TRPM3: variants seen among roughly 807,000 people sequenced by gnomAD.
The protein encoded by TRPM3 is long transient receptor potential channel 3.
A neutral mutation model predicts 181.2 loss-of-function variants in TRPM3; 77 were observed. That is an observed-to-expected ratio of 0.42 (90% confidence interval 0.35 to 0.51). The LOEUF is 0.51. TRPM3 is among the 20% of genes least tolerant of loss of function. The pLI, the probability that TRPM3 is intolerant of heterozygous loss-of-function variation, is 0.01. For synonymous variants in TRPM3, 745 were observed against 796.4 expected (o/e 0.94, Z 1.09); for missense variants, 1,759 against 2,196.7 (o/e 0.80, Z 3.98).
intron 1 of TRPM3, among the ~76,000 whole-genome samples, chr9:71,199,764 T>G (rs2078655091): frequency 1.3e-5 from 2 of 151,950 alleles, no homozygotes; most frequent in South Asian, 4.2e-4. Context: ...CTTCTCTCTT[T>G]TCTTCTTTAT....
chr9:71,230,725 A>C (rs1362163667), intron 1 of TRPM3, among the ~76,000 whole-genome samples: 2 of 152,192 alleles, frequency 1.3e-5, no homozygotes, highest in African/African-American at 4.8e-5. Flanking sequence ...TTTTACTTTA[A>C]GTTAGGATCT....
chr9:71,423,997 C>A (rs2093821439), intron 1 of TRPM3, among the ~76,000 whole-genome samples: 2 of 152,116 alleles, frequency 1.3e-5, no homozygotes, highest in African/African-American at 2.4e-5. Flanking sequence ...AGCTTCTAGA[C>A]CTTGACTGCT....
At chr9:70,870,709 G>A (rs145823999) in intron 1 of TRPM3, among the ~76,000 whole-genome samples, 13 of 152,064 alleles carry the variant, frequency 8.5e-5, no homozygotes, top group African/African-American at 1.2e-4. Context: ...GCTTAATTAC[G>A]TAGAGAAATA....
chr9:71,132,725 A>G (rs528914650), intron 1 of TRPM3, among the ~76,000 whole-genome samples: 28 of 152,326 alleles, frequency 1.8e-4, no homozygotes, highest in African/African-American at 6.7e-4. Flanking sequence ...ATTATCCATC[A>G]ATAACTGTTG....
chr9:70,749,025 A>C (rs868867888), intron 8 of TRPM3, among the ~76,000 whole-genome samples: 26 of 148,924 alleles, frequency 1.7e-4, no homozygotes, highest in African/African-American at 5.9e-4. Flanking sequence ...CAACACAACC[A>C]GTTCATTTCT....
intron 9 of TRPM3, among the ~76,000 whole-genome samples, chr9:70,661,003 A>G (rs916892329): frequency 6.6e-6 from 1 of 152,192 alleles, no homozygotes; most frequent in African/African-American, 2.4e-5. Flanking sequence ...ACAGACCGAT[A>G]TTCCTGATGA....
At chr9:71,029,125 T>G (rs2056964693) in intron 1 of TRPM3, among the ~76,000 whole-genome samples, 1 of 152,128 alleles carries the variant, frequency 6.6e-6, no homozygotes, top group Non-Finnish European at 1.5e-5. Flanking sequence ...ATTATGAAAT[T>G]AAGGCAGTAA....
At chr9:71,394,035 G>C (rs1473701160) in intron 1 of TRPM3, among the ~76,000 whole-genome samples, 4 of 152,108 alleles carry the variant, frequency 2.6e-5, no homozygotes, top group African/African-American at 7.2e-5. Context: ...TCTGAGAAGA[G>C]ATCCACTGAT....
In TRPM3 at chr9:71,276,066, C is replaced by T. The variant is rs1379964395; in HGVS notation, c.183+170587G>A. On this transcript the variant is annotated intron_variant, in intron 1 of 24. Coordinates refer to the TRPM3 transcript ENST00000357533. ...CTGTGTTAGCCAGGATGGTCTTGATCTCCTGACCTCGTGATCCACCTGCCT... is the reference window on the plus strand; with the variant it reads ...CTGTGTTAGCCAGGATGGTCTTGATTTCCTGACCTCGTGATCCACCTGCCT... Among the ~76,000 whole-genome samples the T allele has an allele frequency of 2.0e-5, 3 of 152,112 alleles. No individual in the cohort carries two copies. In the East Asian group the frequency reaches 5.8e-4, roughly 29 times the overall value.
At chr9:70,829,123 C>A (rs577603944) in intron 5 of TRPM3, among the ~76,000 whole-genome samples, 7 of 152,086 alleles carry the variant, frequency 4.6e-5, no homozygotes, top group African/African-American at 7.2e-5. Context: ...ATAAATGCTA[C>A]CGAATTTTTA....
At chr9:70,792,379 G>C (rs1442163556) in intron 6 of TRPM3, among the ~76,000 whole-genome samples, 2 of 151,962 alleles carry the variant, frequency 1.3e-5, no homozygotes, top group Non-Finnish European at 2.9e-5. Context: ...GAAAACAAAG[G>C]AGCAGAGGGT....
chr9:70,828,010 C>A lies in TRPM3; in HGVS notation c.810G>T (p.Arg270=). 6.2e-7 allele frequency: 1 copy of A among 1,610,948 alleles called. No homozygotes were observed. Among genetic ancestry groups the A allele is most frequent in the Non-Finnish European group, 8.5e-7 (1 of 1,178,112 alleles). Residue 270 remains arginine, a synonymous_variant, in exon 6 of 26, where the codon CGG becomes CGT. Coordinates refer to ENST00000677713, the MANE Select transcript of TRPM3 (RefSeq NM_001366145.2). ...QEDLIGRDVV[R]PYQTMSNPMS... ...TGGGATTGGACATGGTCTGGTATGG[C>A]CGGACAACCTGCAGGGTATCAAATG...
At chr9:71,045,747 A>C (rs2059359848) in intron 1 of TRPM3, among the ~76,000 whole-genome samples, 1 of 152,216 alleles carries the variant, frequency 6.6e-6, no homozygotes, top group African/African-American at 2.4e-5. Context: ...AACACAGGCT[A>C]AGAGACTCAG....
At chr9:70,587,925 C>T (rs1020484281) in intron 22 of TRPM3, among the ~76,000 whole-genome samples, 7 of 152,158 alleles carry the variant, frequency 4.6e-5, no homozygotes, top group South Asian at 2.1e-4. Context: ...GCAAAGTTTC[C>T]GGGTAGAGCG....
chr9:71,094,209 A>G (rs2066722906), intron 1 of TRPM3, among the ~76,000 whole-genome samples: 1 of 152,114 alleles, frequency 6.6e-6, no homozygotes, highest in African/African-American at 2.4e-5. Flanking sequence ...GTATACCTGT[A>G]TAACAAACCT....
intron 1 of TRPM3, among the ~76,000 whole-genome samples, chr9:71,380,668 CATAAA>C (rs1443247189): frequency 4.6e-5 from 7 of 152,024 alleles, no homozygotes; most frequent in East Asian, 1.9e-4. Context: ...TTATCTTAAA[CATAAA>C]ATAAAAGTGA....
At chr9:70,871,284 C>G (rs1380416093) in intron 1 of TRPM3, among the ~76,000 whole-genome samples, 1 of 151,904 alleles carries the variant, frequency 6.6e-6, no homozygotes, top group Non-Finnish European at 1.5e-5. Flanking sequence ...AACAGTTCAT[C>G]TTTTTCAACT....
intron 1 of TRPM3, among the ~76,000 whole-genome samples, chr9:71,008,559 A>G (rs1803397880): frequency 6.6e-6 from 1 of 152,158 alleles, no homozygotes; most frequent in Middle Eastern, 3.2e-3. Context: ...AAGATCATTC[A>G]TGGCCAGGCG....
chr9:70,643,426 G>A (rs958125746), intron 9 of TRPM3, among the ~76,000 whole-genome samples: 1 of 152,182 alleles, frequency 6.6e-6, no homozygotes, highest in African/African-American at 2.4e-5. Flanking sequence ...ATAGCAGGAA[G>A]CAGTTATTGA....
Sources: allele counts gnomAD v4.1 joint callset (sites outside exome capture counted in the v4.1 genomes callset), GRCh38; gene constraint gnomAD v4.1.1; transcripts MANE v1.5; gene names NCBI Gene and HGNC (gene_info 2026-07-23, HGNC 2026-07-21).